The following TG variants were observed in gnomAD, a reference collection of about 807,000 sequenced individuals.
TG encodes the protein thyroglobulin, also known as thyroid hormones.
TG carries 270 observed loss-of-function variants against 324.7 expected under a neutral mutation model. That is an observed-to-expected ratio of 0.83 (90% CI 0.75 to 0.92). The LOEUF (loss-of-function observed/expected upper bound fraction) is 0.92. TG is among the 40% of genes least tolerant of loss of function. The probability of loss-of-function intolerance (pLI) is 0.00; values close to 1 mark genes in which losing one functional copy is unlikely to be tolerated. For synonymous variants in TG, 1,401 were observed against 1,327.0 expected, an observed-to-expected ratio of 1.06 and a Z score of -1.21; for missense variants, 3,591 against 3,456.4, an observed-to-expected ratio of 1.04 and a Z score of -0.98.
chr8:132,967,037 CCCAT>C (rs57588311), intron 30 of TG, among the ~76,000 whole-genome samples: 42,070 of 145,896 alleles, frequency 0.29, 7,662 homozygotes, highest in African/African-American at 0.54. Context: ...ATCCCATCCA[CCCAT>C]CCATCCATCC....
At chr8:133,111,465 T>C (rs1850243484) in intron 43 of TG, among the ~76,000 whole-genome samples, 1 of 152,238 alleles carries the variant, frequency 6.6e-6, no homozygotes, top group Non-Finnish European at 1.5e-5. Context: ...ATCATTTTTG[T>C]AATGAAATAT....
chr8:132,987,106 C>A (rs1364367317), intron 35 of TG, among the ~76,000 whole-genome samples: 1 of 151,670 alleles, frequency 6.6e-6, no homozygotes, highest in African/African-American at 2.4e-5. Context: ...TTCACATATA[C>A]ACACAGCCTA....
intron 24 of TG, 124 bp downstream of exon 24, chr8:132,933,800 C>T (rs1024761379): frequency 2.2e-5 from 19 of 855,088 alleles, no homozygotes; most frequent in Admixed American, 3.7e-5. Context: ...TCCTCTGTTA[C>T]CTCCATTTCT....
intron 19 of TG, among the ~76,000 whole-genome samples, chr8:132,912,609 C>A (rs888191190): frequency 6.6e-6 from 1 of 152,162 alleles, no homozygotes; most frequent in Non-Finnish European, 1.5e-5. Context: ...CCACTTCACA[C>A]ACATTCTCTC....
At chr8:133,094,272 G>C (rs1300696665) in intron 41 of TG, among the ~76,000 whole-genome samples, 4 of 124,448 alleles carry the variant, frequency 3.2e-5, no homozygotes, top group East Asian at 4.8e-4. Flanking sequence ...ATGGAGTCTT[G>C]CTCTGTTTCC....
intron 18 of TG, among the ~76,000 whole-genome samples, chr8:132,910,424 G>A (rs1434278720): frequency 6.6e-6 from 1 of 152,130 alleles, no homozygotes; most frequent in Non-Finnish European, 1.5e-5. Flanking sequence ...TTCCCCTTGG[G>A]CTTTATGTAA....
At chr8:133,082,510 C>T (rs950945332) in intron 41 of TG, among the ~76,000 whole-genome samples, 1 of 152,210 alleles carries the variant, frequency 6.6e-6, no homozygotes, top group Admixed American at 6.5e-5. Flanking sequence ...ATGGAATTAT[C>T]CTGATAATCG....
intron 22 of TG, among the ~76,000 whole-genome samples, chr8:132,928,221 T>C (rs1310840776): frequency 6.6e-6 from 1 of 152,268 alleles, no homozygotes; most frequent in Non-Finnish European, 1.5e-5. Context: ...ATAAGTCTTT[T>C]TTAATAAAGC....
At chr8:133,105,573 G>A (rs547478793) in intron 43 of TG, among the ~76,000 whole-genome samples, 1 of 152,184 alleles carries the variant, frequency 6.6e-6, no homozygotes, top group African/African-American at 2.4e-5. Context: ...TTGTGCCTAG[G>A]TTGAGTTTGA....
intron 37 of TG, 142 bp downstream of exon 37, chr8:133,013,906 G>A: frequency 2.1e-6 from 2 of 971,878 alleles, no homozygotes; most frequent in Non-Finnish European, 3.1e-6. Flanking sequence ...GAGGTAGACT[G>A]AAGGAAGGTA....
At chr8:133,069,597 G>A (rs1156641008) in intron 41 of TG, among the ~76,000 whole-genome samples, 3 of 152,172 alleles carry the variant, frequency 2.0e-5, no homozygotes, top group Non-Finnish European at 2.9e-5. Context: ...GTGAGTGACC[G>A]TCTCCCCTAC....
chr8:133,126,797 A>C (rs1851554411), intron 45 of TG, among the ~76,000 whole-genome samples: 1 of 152,068 alleles, frequency 6.6e-6, no homozygotes, highest in Non-Finnish European at 1.5e-5. Flanking sequence ...GCTTCTAAAA[A>C]AAAAAACAAA....
Position 132,938,667 on chromosome 8 carries a change from C to G in TG, c.5042-2684C>G, listed in dbSNP as rs966552974. 2.0e-5 allele frequency among the ~76,000 whole-genome samples: 3 copies of G among 151,908 alleles called. No homozygotes were observed. In the East Asian group the frequency reaches 5.8e-4, roughly 29 times the overall value. ...GTGCTTGGATGAAAATGAAACAGGA[C>G]GAGGAGGTAAAGACGGGTATGAGCT... is the stretch of plus-strand genomic sequence containing the variant. On this transcript the variant is annotated intron_variant, in intron 25 of 47. Coordinates refer to ENST00000220616, the MANE Select transcript of TG (RefSeq NM_003235.5).
intron 35 of TG, among the ~76,000 whole-genome samples, chr8:132,999,180 A>G (rs1833194901): frequency 6.6e-6 from 1 of 152,158 alleles, no homozygotes; most frequent in African/African-American, 2.4e-5. Context: ...GGTTTCAGAG[A>G]GAAGGACGAG....
chr8:132,995,681 G>A (rs1406337353), intron 35 of TG, among the ~76,000 whole-genome samples: 2 of 152,132 alleles, frequency 1.3e-5, no homozygotes, highest in Non-Finnish European at 2.9e-5. Flanking sequence ...GAAGTTGGTG[G>A]GGATGTCCAC....
chr8:132,879,984 G>A (rs1486818947), intron 5 of TG, among the ~76,000 whole-genome samples: 3 of 152,230 alleles, frequency 2.0e-5, no homozygotes, highest in African/African-American at 4.8e-5. Flanking sequence ...TGTGCCTCAC[G>A]CTGGAATGTG....
rs563216038 is a variant in TG, at chr8:132,896,069, C to T, written c.3002-1580C>T. Among the ~76,000 whole-genome samples, 147 of 152,338 alleles carry T rather than the reference C, an allele frequency of 9.6e-4. 1 individual carries two copies. The highest frequency in any genetic ancestry group is 3.2e-3 in the African/African-American group (132 of 41,582). The stretch of plus-strand genomic sequence containing the variant: ...TAGCCATGTCTGAGGGCCTAATGAG[C>T]GTGGCGAAGGCCATGGGAGGAAATG... On this transcript the variant is annotated intron_variant, in intron 11 of 47. Coordinates refer to ENST00000220616, the MANE Select transcript of TG (RefSeq NM_003235.5).
intron 5 of TG, 134 bp from the exon 6 acceptor site, chr8:132,881,729 A>G (rs1278487999): frequency 9.6e-6 from 7 of 726,578 alleles, no homozygotes; most frequent in Admixed American, 2.0e-5. Flanking sequence ...AGGAAGCATG[A>G]AGCAACTGTC....
At chr8:132,935,714 A>G (rs1342806568) in intron 24 of TG, 42 bp from the exon 25 acceptor site, 1 of 1,522,266 alleles carries the variant, frequency 6.6e-7, no homozygotes, top group African/African-American at 1.4e-5. Flanking sequence ...ATTGAATTAT[A>G]AAGTATTGCA....
Sources: allele counts gnomAD v4.1 joint callset (sites outside exome capture counted in the v4.1 genomes callset), GRCh38; gene constraint gnomAD v4.1.1; transcripts MANE v1.5; gene names NCBI Gene and HGNC (gene_info 2026-07-23, HGNC 2026-07-21).